Variants in NIBAN2 observed in about 807,000 individuals in gnomAD.
The protein encoded by NIBAN2 is protein Niban 2.
NIBAN2 carries 36 observed loss-of-function variants against 81.8 expected under a neutral mutation model. The observed-to-expected ratio is 0.44, with a 90% confidence interval of 0.34 to 0.58. The LOEUF is 0.58. Among genes scored for constraint, NIBAN2 ranks in the 20% least tolerant of loss-of-function variants. NIBAN2 has a pLI of 0.02. For missense variants in NIBAN2, 897 were observed against 1,014.1 expected (o/e 0.88, Z 1.57); for synonymous variants, 445 against 441.6 (o/e 1.01, Z -0.10).
In NIBAN2 at chr9:127,517,588, T is replaced by C. The variant is rs1836857251; in HGVS notation, c.705+238A>G. Among the ~76,000 whole-genome samples, 1 of 152,178 alleles carries C rather than the reference T, an allele frequency of 6.6e-6. No individual in the cohort carries two copies. ...GAGGGCCAGGAATTTGTCCACATCATTCCCAGCTGCACCCCAGTGCCTCGT... is the reference window on the plus strand; with the variant it reads ...GAGGGCCAGGAATTTGTCCACATCACTCCCAGCTGCACCCCAGTGCCTCGT... On this transcript the variant is annotated intron_variant, in intron 6 of 13. Transcript: ENST00000373312. The surrounding 1 kb of genome is among the most constrained non-coding windows in gnomAD (Gnocchi z 4.0).
At chr9:127,553,132 A>G (rs887426858) in intron 1 of NIBAN2, among the ~76,000 whole-genome samples, 1 of 152,118 alleles carries the variant, frequency 6.6e-6, no homozygotes, top group African/African-American at 2.4e-5. Flanking sequence ...TTTTCTTCCT[A>G]TTACTTATCT....
chr9:127,574,753 T>C (rs1486982762), intron 1 of NIBAN2, among the ~76,000 whole-genome samples: 1 of 152,194 alleles, frequency 6.6e-6, no homozygotes, highest in Non-Finnish European at 1.5e-5. Flanking sequence ...TCTACCTCTG[T>C]TTACCCAGTT....
chr9:127,549,125 A>C (rs2257055), intron 1 of NIBAN2, among the ~76,000 whole-genome samples: 61,963 of 152,066 alleles, frequency 0.41, 13,930 homozygotes, highest in Non-Finnish European at 0.51. Context: ...TGTTCCAATA[A>C]GAACTAACAG....
Position 127,506,620 on chromosome 9 carries a change from C to T in NIBAN2, c.*225G>A. 1 of 432,090 alleles carries T rather than the reference C, an allele frequency of 2.3e-6. No individual in the cohort carries two copies. The allele number at this position is 432,090 out of a possible 1,614,324, so 26.8% of individuals were successfully genotyped here. Reference sequence around the variant, plus strand: ...ACAAGCAGGAAAACCCCAAAACCAGCCCCTGCATCTGAGATCATCCCACAG... The same window carrying T: ...ACAAGCAGGAAAACCCCAAAACCAGTCCCTGCATCTGAGATCATCCCACAG... On this transcript the variant is annotated 3_prime_UTR_variant, in exon 14 of 14. Transcript: ENST00000373312.
chr9:127,507,503 AAAG>A lies in NIBAN2; in HGVS notation c.1655-75_1655-73del, dbSNP rs1836633465. 1 of 1,326,578 alleles carries A rather than the reference AAAG, an allele frequency of 7.5e-7. No individual in the cohort carries two copies. Among genetic ancestry groups the A allele is most frequent in the East Asian group, 2.5e-5 (1 of 39,696 alleles). 82.2% of individuals were successfully genotyped at this position (1,326,578 alleles called of 1,614,324 possible). On this transcript the variant is annotated intron_variant, in intron 13 of 13. Coordinates refer to ENST00000373312, the MANE Select transcript of NIBAN2 (RefSeq NM_022833.4). The surrounding 1 kb of genome is among the most constrained non-coding windows in gnomAD (Gnocchi z 6.8). ...GCCGCCCCTGTGCTGGACTCTGCTCAAAGAAGACCCGTCTCATCCCGCCTTGGG... is the reference window on the plus strand; with the variant it reads ...GCCGCCCCTGTGCTGGACTCTGCTCAAAGACCCGTCTCATCCCGCCTTGGG...
At chr9:127,509,806 TCCC>T (rs1836696347) in intron 9 of NIBAN2, 1 of 54,520 alleles carries the variant, frequency 1.8e-5, no homozygotes, top group African/African-American at 6.3e-5. Context: ...CTCCTCTCCT[TCCC>T]TCCTTCCCTC....
chr9:127,559,508 C>T lies in NIBAN2; in HGVS notation c.55+9312G>A, dbSNP rs1837733845. On this transcript the variant is annotated intron_variant, in intron 1 of 13. Transcript: ENST00000373312. This position sits in a 1 kb window ranked among gnomAD's most constrained non-coding sequence, Gnocchi z 4.0. ...GTGGTTCCTGGCAGGTGGAATAAAT[C>T]AGAGGTGACTGGAGCACGAGTGGGT... Among the ~76,000 whole-genome samples, 1 of 152,198 alleles carries T rather than the reference C, an allele frequency of 6.6e-6. No homozygotes were observed. The highest frequency in any genetic ancestry group is 2.4e-5 in the African/African-American group (1 of 41,446).
intron 8 of NIBAN2, among the ~76,000 whole-genome samples, chr9:127,516,181 T>C (rs1836826536): frequency 6.6e-6 from 1 of 152,040 alleles, no homozygotes; most frequent in Non-Finnish European, 1.5e-5. Flanking sequence ...CAACTGACAA[T>C]TGCTAAAACT....
At chr9:127,541,930 G>A (rs1407270612) in intron 1 of NIBAN2, among the ~76,000 whole-genome samples, 2 of 152,068 alleles carry the variant, frequency 1.3e-5, no homozygotes, top group Non-Finnish European at 2.9e-5. Flanking sequence ...AACAGGGTGA[G>A]GCAGGCTCCC....
At chr9:127,575,303 A>G (rs1447319536) in intron 1 of NIBAN2, among the ~76,000 whole-genome samples, 1 of 147,784 alleles carries the variant, frequency 6.8e-6, no homozygotes, top group Admixed American at 6.9e-5. Flanking sequence ...ATCTCGGCTC[A>G]CTGCAAACTC....
At chr9:127,571,419 C>T (rs1241468994), upstream of NIBAN2, among the ~76,000 whole-genome samples, 2 of 152,092 alleles carry the variant, frequency 1.3e-5, no homozygotes, top group Non-Finnish European at 2.9e-5. Flanking sequence ...GAAAGGCGGC[C>T]GGGCGCAATG....
intron 2 of NIBAN2, among the ~76,000 whole-genome samples, chr9:127,527,780 G>A (rs534030606): frequency 6.6e-6 from 1 of 152,368 alleles, no homozygotes; most frequent in South Asian, 2.1e-4. Context: ...CCCAGTGCCT[G>A]GGCAAGCCTC....
intron 1 of NIBAN2, among the ~76,000 whole-genome samples, chr9:127,566,228 G>A (rs1303805325): frequency 6.6e-6 from 1 of 152,122 alleles, no homozygotes; most frequent in Non-Finnish European, 1.5e-5. Flanking sequence ...ATTTGGGATT[G>A]TTAGGCCCTC....
intron 5 of NIBAN2, among the ~76,000 whole-genome samples, chr9:127,519,174 CAAAAAAAAAAA>C (rs398046914): frequency 4.8e-4 from 19 of 39,312 alleles, no homozygotes; most frequent in East Asian, 1.2e-3. Context: ...GACTCTGTCT[CAAAAAAAAAAA>C]AAAAAAAAAA....
rs1588156426 is a variant in NIBAN2 at position 127,518,000 on chromosome 9, G to C, written c.590-59C>G. On this transcript the variant is annotated intron_variant, in intron 5 of 13. Transcript: ENST00000373312. The surrounding 1 kb of genome is among the most constrained non-coding windows in gnomAD (Gnocchi z 4.0). ...CAGATGGCCCAGTGGCCTCTACCAA[G>C]ACCAACTGAGAACTGACCAAAACCC... 1 of 1,160,542 alleles carries C rather than the reference G, an allele frequency of 8.6e-7. No individual in the cohort carries two copies. The highest frequency in any genetic ancestry group is 2.0e-4 in the Middle Eastern group (1 of 5,014). 71.9% of individuals were successfully genotyped at this position (1,160,542 alleles called of 1,614,324 possible).
chr9:127,508,259 G>T lies in NIBAN2; in HGVS notation c.1435-59C>A. 1.4e-6 allele frequency: 2 copies of T among 1,451,760 alleles called. No individual in the cohort carries two copies. Among genetic ancestry groups the T allele is most frequent in the Non-Finnish European group, 1.9e-6 (2 of 1,040,114 alleles). The allele number at this position is 1,451,760 out of a possible 1,614,324, so 89.9% of individuals were successfully genotyped here. ...TCAGTGGGCTCCATTGGCCCTGAGG[G>T]TAGGACGAGGCCAGTGGTCTGACCC... On this transcript the variant is annotated intron_variant, in intron 11 of 13. Coordinates refer to ENST00000373312, the MANE Select transcript of NIBAN2 (RefSeq NM_022833.4). The surrounding 1 kb of genome is among the most constrained non-coding windows in gnomAD (Gnocchi z 6.4).
chr9:127,537,273 G>A (rs997930066), intron 1 of NIBAN2, among the ~76,000 whole-genome samples: 2 of 152,196 alleles, frequency 1.3e-5, no homozygotes, highest in African/African-American at 4.8e-5. Flanking sequence ...CTGTTCCCGA[G>A]CTCTGAGCTC....
At chr9:127,537,754 A>C (rs1837305596) in intron 1 of NIBAN2, among the ~76,000 whole-genome samples, 2 of 152,094 alleles carry the variant, frequency 1.3e-5, no homozygotes, top group Admixed American at 1.3e-4. Context: ...GGGAAATACA[A>C]CCCTCACTTT....
At chr9:127,538,623 T>C (rs1266481793) in intron 1 of NIBAN2, among the ~76,000 whole-genome samples, 1 of 105,948 alleles carries the variant, frequency 9.4e-6, no homozygotes, top group East Asian at 2.2e-4. Flanking sequence ...TGAGACTCCA[T>C]CTCAAAGAAA....
Sources: gnomAD v4.1 joint callset for allele counts (sites outside exome capture counted in the v4.1 genomes callset) on GRCh38, gnomAD v4.1.1 for gene constraint, Gnocchi (gnomAD v3.1) non-coding constraint, MANE v1.5 for transcripts, NCBI Gene and HGNC (gene_info 2026-07-23, HGNC 2026-07-21) for gene names.